AVPR1B: variants seen among roughly 807,000 people sequenced by gnomAD.
The protein encoded by AVPR1B is vasopressin V1b receptor.
In AVPR1B, 25 loss-of-function variants were observed where a neutral mutation model predicts 27.5. The observed-to-expected ratio is 0.91, with a 90% CI of 0.66 to 1.27. The LOEUF is 1.27. Among genes scored for constraint, AVPR1B ranks in the 50% most tolerant of loss-of-function variants. AVPR1B has a pLI of 0.00. For missense variants in AVPR1B, 595 were observed against 556.9 expected (o/e 1.07, Z -0.69); for synonymous variants, 248 against 240.2 (o/e 1.03, Z -0.30).
chr1:206,110,371 G>C lies in AVPR1B; in HGVS notation c.1093C>G (p.Arg365Gly), dbSNP rs782332675. 6.2e-7 allele frequency: 1 copy of C among 1,610,502 alleles called. No individual in the cohort carries two copies. Among genetic ancestry groups the C allele is most frequent in the South Asian group, 1.1e-5 (1 of 90,758 alleles). The change falls in exon 2 of 2, where the codon CGG (arginine) becomes GGG (glycine). Residue 365 changes from arginine to glycine, a missense_variant. By Grantham distance (125) the Arg-to-Gly change is moderately radical. Coordinates refer to ENST00000367126, the MANE Select transcript of AVPR1B (RefSeq NM_000707.5). ...GAGAGGCTGCCGTCGGAGAGCCGCC[G>C]GCGCATCCTGGGCTGGGGACCCCCA... Reference protein sequence around the residue: ...CCGGPQPRMRRRLSDGSLSSR... With the variant: ...CCGGPQPRMRGRLSDGSLSSR...
chr1:206,115,138 A>G (rs1362319247), intron 1 of AVPR1B, among the ~76,000 whole-genome samples: 1 of 152,228 alleles, frequency 6.6e-6, no homozygotes, highest in African/African-American at 2.4e-5. Flanking sequence ...TTATGAGATG[A>G]AGGTTACGTG....
intron 1 of AVPR1B, among the ~76,000 whole-genome samples, chr1:206,112,858 T>C (rs1336820526): frequency 2.0e-5 from 3 of 152,162 alleles, no homozygotes; most frequent in Non-Finnish European, 2.9e-5. Context: ...TATAAATTTC[T>C]CAGTTTCAGG....
chr1:206,116,788 T>C lies in AVPR1B; in HGVS notation c.103A>G (p.Lys35Glu). Residue 35 changes from lysine (K) to glutamate (E), a missense_variant, in exon 1 of 2, where the codon AAG (lysine) becomes GAG (glutamate). Coordinates refer to ENST00000367126, the MANE Select transcript of AVPR1B (RefSeq NM_000707.5). Reference protein sequence around the residue: ...PWLGRDEELAKVEIGVLATVL... With the variant: ...PWLGRDEELAEVEIGVLATVL... ...GTGGCCAGGACTCCGATCTCCACCT[T>C]GGCCAGCTCCTCATCCCGGCCCAGC... The C allele has an allele frequency of 6.2e-7, 1 of 1,613,966 alleles. No homozygotes were observed. Among genetic ancestry groups the C allele is most frequent in the Middle Eastern group, 1.6e-4 (1 of 6,062 alleles).
At position 206,110,429 on chromosome 1, in the gene AVPR1B, C is replaced by G; in HGVS notation, c.1035G>C (p.Leu345=). The stretch of plus-strand genomic sequence containing the variant: ...CAAGGTGACGCAGGGGCCGCGGTAA[C>G]AGGTGGCTGTTGAAGCCCATGTAGA... ...PWIYMGFNSH[L]LPRPLRHLAC... Residue 345 remains leucine (L), a synonymous_variant, in exon 2 of 2, where the codon CTG becomes CTC. Transcript: ENST00000367126. The G allele has an allele frequency of 1.2e-6, 2 of 1,613,956 alleles. No homozygotes were observed. Among genetic ancestry groups the G allele is most frequent in the Non-Finnish European group, 8.5e-7 (1 of 1,179,944 alleles).
At chr1:206,115,023 G>T (rs1553290293) in intron 1 of AVPR1B, among the ~76,000 whole-genome samples, 1 of 152,154 alleles carries the variant, frequency 6.6e-6, no homozygotes, top group Non-Finnish European at 1.5e-5. Flanking sequence ...CCTCAGAGAT[G>T]GGCATGTATA....
chr1:206,116,294 G>T lies in AVPR1B; in HGVS notation c.597C>A (p.Tyr199Ter). 6.2e-7 allele frequency: 1 copy of T among 1,613,574 alleles called. No individual in the cohort carries two copies. The highest frequency in any genetic ancestry group is 8.5e-7 in the Non-Finnish European group (1 of 1,180,042). The change falls in exon 1 of 2, where the codon TAC (tyrosine) becomes TAA (stop). Residue 199 changes from tyrosine to a stop codon, truncating the protein, a stop_gained. Coordinates refer to ENST00000367126, the MANE Select transcript of AVPR1B (RefSeq NM_000707.5). LOFTEE classifies it high-confidence loss of function. ...AGATAGCCAGGGTGGTCCAGGTGAG[G>T]TAGGCCCGTGGCCCCCAAGGGAAGC... ...DFGFPWGPRA[Y>*]LTWTTLAIFV...
chr1:206,107,287 G>A lies in AVPR1B; in HGVS notation c.*2902C>T, dbSNP rs184403661. On this transcript the variant is annotated 3_prime_UTR_variant, in exon 2 of 2. Transcript: ENST00000367126. ...GCCCAGCCAGAGACGGCATTGTTCA[G>A]TTTCTCCTGGGGTTAGCCGTCAGAA... Among the ~76,000 whole-genome samples, 21 of 152,296 alleles carry A rather than the reference G, an allele frequency of 1.4e-4. No homozygotes were observed. In the East Asian group the frequency reaches 4.1e-3, roughly 29 times the overall value.
chr1:206,115,801 C>T, intron 1 of AVPR1B, 150 bp downstream of exon 1: 1 of 674,740 alleles, frequency 1.5e-6, no homozygotes, highest in Non-Finnish European at 2.3e-6. Context: ...CATAACTGCC[C>T]CTTTTCACTT....
rs781915102 is a variant in AVPR1B, at chr1:206,116,693, G to A, written c.198C>T (p.Arg66=). The change falls in exon 1 of 2, where the codon CGC becomes CGT. Residue 66 remains arginine (R), a synonymous_variant. Coordinates refer to ENST00000367126, the MANE Select transcript of AVPR1B (RefSeq NM_000707.5). The part of the protein sequence containing the change: ...LLTLGQLGRK[R]SRMHLFVLHL... ...GCAGCACGAACAGGTGCATGCGGGA[G>A]CGCTTGCGGCCCAGCTGGCCCAGGG... 1.2e-6 allele frequency: 2 copies of A among 1,608,624 alleles called. No homozygotes were observed. Among genetic ancestry groups the A allele is most frequent in the Admixed American group, 3.4e-5 (2 of 59,682 alleles).
rs1331466933 is a variant in AVPR1B at position 206,108,486 on chromosome 1, G to A, written c.*1703C>T. 6.6e-6 allele frequency among the ~76,000 whole-genome samples: 1 copy of A among 152,216 alleles called. No homozygotes were observed. Among genetic ancestry groups the A allele is most frequent in the Admixed American group, 6.5e-5 (1 of 15,284 alleles). The stretch of plus-strand genomic sequence containing the variant: ...CGCAAAGCCACAGTCATTCCTCAAA[G>A]CTTCCCTGGGAGTCAGGGGTAGAGA... On this transcript the variant is annotated 3_prime_UTR_variant, in exon 2 of 2. Transcript: ENST00000367126.
In AVPR1B at chr1:206,116,990, G is replaced by A. The variant is rs548122528; in HGVS notation, c.-100C>T. 7.0e-5 allele frequency: 76 copies of A among 1,092,430 alleles called. No homozygotes were observed. The highest frequency in any genetic ancestry group is 2.2e-4 in the Admixed American group (10 of 45,052). 67.7% of individuals were successfully genotyped at this position (1,092,430 alleles called of 1,614,324 possible). ...AGTGGCAGGGGAGGTGGAGAGAAAG[G>A]AGAAGCGTTGAGAATGACAGGGAGA... On this transcript the variant is annotated 5_prime_UTR_variant, in exon 1 of 2. Transcript: ENST00000367126.
Position 206,108,157 on chromosome 1 carries a change from A to T in AVPR1B, c.*2032T>A, listed in dbSNP as rs1663309894. Among the ~76,000 whole-genome samples, 1 of 152,214 alleles carries T rather than the reference A, an allele frequency of 6.6e-6. No individual in the cohort carries two copies. Among genetic ancestry groups the T allele is most frequent in the Non-Finnish European group, 1.5e-5 (1 of 68,032 alleles). On this transcript the variant is annotated 3_prime_UTR_variant, in exon 2 of 2. Transcript: ENST00000367126. ...GGGAGGCCGCTTTTGTAAGCAGGGG[A>T]AGGAGCAGATTCAACAGCTCTGGCT...
rs2102340853 is a variant in AVPR1B at position 206,116,981 on chromosome 1, G to A, written c.-91C>T. 2.5e-6 allele frequency: 3 copies of A among 1,191,146 alleles called. No homozygotes were observed. Among genetic ancestry groups the A allele is most frequent in the Non-Finnish European group, 3.6e-6 (3 of 834,300 alleles). The allele number at this position is 1,191,146 out of a possible 1,614,324, so 73.8% of individuals were successfully genotyped here. On this transcript the variant is annotated 5_prime_UTR_variant, in exon 1 of 2. Transcript: ENST00000367126. ...ATAAAATGGAGTGGCAGGGGAGGTG[G>A]AGAGAAAGGAGAAGCGTTGAGAATG...
chr1:206,114,013 C>T (rs1240095618), intron 1 of AVPR1B, among the ~76,000 whole-genome samples: 2 of 152,140 alleles, frequency 1.3e-5, no homozygotes, highest in Non-Finnish European at 2.9e-5. Flanking sequence ...TAATCTCTTG[C>T]CCAGACGATG....
Position 206,110,533 on chromosome 1 carries a change from G to T in AVPR1B, c.941-10C>A. 1 of 1,587,538 alleles carries T rather than the reference G, an allele frequency of 6.3e-7. No homozygotes were observed. ...GCCACATTGGTGGAATCTACCAAGA[G>T]AGAAGCATGAGAAGCCTCAGAATGG... On this transcript the variant is annotated splice_polypyrimidine_tract_variant and intron_variant, in intron 1 of 1. Coordinates refer to ENST00000367126, the MANE Select transcript of AVPR1B (RefSeq NM_000707.5).
At chr1:206,115,483 A>C (rs1178652930) in intron 1 of AVPR1B, among the ~76,000 whole-genome samples, 1 of 152,214 alleles carries the variant, frequency 6.6e-6, no homozygotes, top group African/African-American at 2.4e-5. Flanking sequence ...GAAGAGGTTG[A>C]ACTGGAAATT....
In AVPR1B at chr1:206,116,059, G is replaced by A. The variant is rs782036021; in HGVS notation, c.832C>T (p.Arg278Ter). 3.5e-5 allele frequency: 56 copies of A among 1,614,214 alleles called. No homozygotes were observed. Among genetic ancestry groups the A allele is most frequent in the Non-Finnish European group, 4.5e-5 (53 of 1,180,034 alleles). ...ATGACAAAGGTCATCTTCACTGTTC[G>A]GATCTTGGCCCGTGAGATGGTGTTG... ...SINTISRAKI[R>*]TVKMTFVIVL... The change falls in exon 1 of 2, where the codon CGA (arginine) becomes TGA (stop). Residue 278 changes from arginine to a stop codon, truncating the protein, a stop_gained. Coordinates refer to ENST00000367126, the MANE Select transcript of AVPR1B (RefSeq NM_000707.5). LOFTEE classifies it high-confidence loss of function.
rs1553289621 is a variant in AVPR1B at position 206,110,391 on chromosome 1, C to A, written c.1073G>T (p.Gly358Val). The A allele has an allele frequency of 1.2e-6, 2 of 1,612,116 alleles. No homozygotes were observed. Among genetic ancestry groups the A allele is most frequent in the African/African-American group, 2.7e-5 (2 of 74,888 alleles). The change falls in exon 2 of 2, where the codon GGT becomes GTT. Residue 358 changes from glycine to valine, a missense_variant. Coordinates refer to ENST00000367126, the MANE Select transcript of AVPR1B (RefSeq NM_000707.5). Reference protein sequence around the residue: ...RPLRHLACCGGPQPRMRRRLS... With the variant: ...RPLRHLACCGVPQPRMRRRLS... ...CCGCCGGCGCATCCTGGGCTGGGGA[C>A]CCCCACAGCAGGCAAGGTGACGCAG...
chr1:206,108,422 G>A lies in AVPR1B; in HGVS notation c.*1767C>T, dbSNP rs1553289274. Among the ~76,000 whole-genome samples the A allele has an allele frequency of 6.6e-6, 1 of 152,190 alleles. No homozygotes were observed. The highest frequency in any genetic ancestry group is 2.4e-5 in the African/African-American group (1 of 41,444). On this transcript the variant is annotated 3_prime_UTR_variant, in exon 2 of 2. Transcript: ENST00000367126. ...CTTTTCTTTTTAGAAAGCCTCAGGA[G>A]GCTTCTTAGAGCTGAGTGGCCTCTT... is the stretch of plus-strand genomic sequence containing the variant.
Sources: allele counts gnomAD v4.1 joint callset (sites outside exome capture counted in the v4.1 genomes callset), GRCh38; gene constraint gnomAD v4.1.1; transcripts MANE v1.5; gene names NCBI Gene and HGNC (gene_info 2026-07-23, HGNC 2026-07-21).